NKAIN2: variants seen among roughly 807,000 people sequenced by gnomAD.
NKAIN2 encodes sodium/potassium transporting ATPase interacting 2, also known as sodium/potassium-transporting ATPase subunit beta-1-interacting protein 2.
Under a neutral mutation model 32.6 loss-of-function variants are expected in NKAIN2, and 14 were observed. That is an observed-to-expected ratio of 0.43 (90% CI 0.28 to 0.67). NKAIN2 has a LOEUF of 0.67. Among genes scored for constraint, NKAIN2 ranks in the 30% least tolerant of loss-of-function variants. NKAIN2 has a pLI of 0.17. For missense variants in NKAIN2, 198 were observed against 258.3 expected (o/e 0.77, Z 1.60); for synonymous variants, 80 against 87.2 (o/e 0.92, Z 0.46).
At chr6:124,517,500 C>G (rs1778959247) in intron 3 of NKAIN2, among the ~76,000 whole-genome samples, 1 of 152,088 alleles carries the variant, frequency 6.6e-6, no homozygotes. Context: ...CATCAATGTG[C>G]TAATCAGTTT....
chr6:123,935,377 T>C (rs1582806289), intron 1 of NKAIN2, among the ~76,000 whole-genome samples: 1 of 151,490 alleles, frequency 6.6e-6, no homozygotes, highest in East Asian at 1.9e-4. Context: ...AATTAGAAAG[T>C]AATGTGTTTC....
chr6:123,805,978 ACTC>A (rs1298446705), intron 1 of NKAIN2, among the ~76,000 whole-genome samples: 2 of 152,098 alleles, frequency 1.3e-5, no homozygotes, highest in Non-Finnish European at 2.9e-5. Flanking sequence ...ATGAATACAA[ACTC>A]CTCAAGAACT....
intron 3 of NKAIN2, among the ~76,000 whole-genome samples, chr6:124,403,013 A>G (rs1217249730): frequency 1.3e-5 from 2 of 152,192 alleles, no homozygotes; most frequent in South Asian, 2.1e-4. Context: ...TGCATTGTCT[A>G]TAAGTTATAG....
At chr6:124,210,991 G>C (rs76592576) in intron 1 of NKAIN2, among the ~76,000 whole-genome samples, 8,759 of 150,628 alleles carry the variant, frequency 0.058, 496 homozygotes, top group African/African-American at 0.13. Flanking sequence ...AATAAGTGTT[G>C]AAAGTGGGCA....
intron 1 of NKAIN2, among the ~76,000 whole-genome samples, chr6:123,890,838 C>T (rs965759960): frequency 1.3e-5 from 2 of 151,972 alleles, no homozygotes; most frequent in Non-Finnish European, 2.9e-5. Flanking sequence ...TAGATATATA[C>T]TTATAAGAAT....
At chr6:124,793,297 A>T (rs578221138) in intron 5 of NKAIN2, among the ~76,000 whole-genome samples, 3 of 152,286 alleles carry the variant, frequency 2.0e-5, no homozygotes, top group South Asian at 2.1e-4. Flanking sequence ...TGAGGTACCT[A>T]GCGCCTATAC....
intron 1 of NKAIN2, among the ~76,000 whole-genome samples, chr6:124,034,172 T>C (rs1197785858): frequency 2.0e-5 from 3 of 152,066 alleles, no homozygotes; most frequent in African/African-American, 7.2e-5. Context: ...TGCGCAGGTT[T>C]GTTACAAGGG....
chr6:124,553,729 A>G (rs1780375174), intron 3 of NKAIN2, among the ~76,000 whole-genome samples: 1 of 152,218 alleles, frequency 6.6e-6, no homozygotes, highest in South Asian at 2.1e-4. Context: ...AAAATGTCAT[A>G]CAGCAGCGTT....
intron 1 of NKAIN2, among the ~76,000 whole-genome samples, chr6:123,944,774 A>G (rs1776989897): frequency 6.6e-6 from 1 of 152,050 alleles, no homozygotes; most frequent in African/African-American, 2.4e-5. Flanking sequence ...TTTATTCAGT[A>G]GCAACTTCCA....
Position 124,172,636 on chromosome 6 carries a change from TA to T in NKAIN2, c.55-110363del, listed in dbSNP as rs1191244874. Among the ~76,000 whole-genome samples the T allele has an allele frequency of 2.6e-5, 4 of 152,246 alleles. No individual in the cohort carries two copies. The South Asian group carries it at 8.3e-4, about 32-fold the overall frequency. On this transcript the variant is annotated intron_variant, in intron 1 of 6. Coordinates refer to ENST00000368417, the MANE Select transcript of NKAIN2 (RefSeq NM_001040214.3). ...AAGTATATATTCTTGTGGAAGGAAG[TA>T]AAAAAGTTCCAAAGCCTGTTAGAAT...
intron 3 of NKAIN2, among the ~76,000 whole-genome samples, chr6:124,576,865 A>G (rs575578704): frequency 2.0e-5 from 3 of 152,182 alleles, no homozygotes; most frequent in Non-Finnish European, 4.4e-5. Flanking sequence ...CCAAAGCTAT[A>G]AAACTGCTAG....
intron 1 of NKAIN2, among the ~76,000 whole-genome samples, chr6:123,838,475 A>G (rs979931849): frequency 6.6e-6 from 1 of 152,196 alleles, no homozygotes; most frequent in African/African-American, 2.4e-5. Flanking sequence ...TTATTCTGCT[A>G]CTGTCTGAAG....
intron 2 of NKAIN2, among the ~76,000 whole-genome samples, chr6:124,337,696 C>T (rs956790919): frequency 6.6e-6 from 1 of 152,176 alleles, no homozygotes; most frequent in African/African-American, 2.4e-5. Context: ...ATAGAATATA[C>T]AGACTCCTGG....
chr6:124,112,921 T>C (rs930066531), intron 1 of NKAIN2, among the ~76,000 whole-genome samples: 3 of 151,450 alleles, frequency 2.0e-5, no homozygotes, highest in Non-Finnish European at 4.4e-5. Flanking sequence ...TACTTTGTAA[T>C]ATTTTCTCTT....
intron 1 of NKAIN2, among the ~76,000 whole-genome samples, chr6:123,818,262 A>G (rs6941970): frequency 0.011 from 1,664 of 152,132 alleles, 34 homozygotes; most frequent in African/African-American, 0.038. Context: ...TTTTTAATTC[A>G]ATAAAATATG....
intron 5 of NKAIN2, among the ~76,000 whole-genome samples, chr6:124,800,837 G>C (rs1263755951): frequency 1.3e-5 from 2 of 152,110 alleles, no homozygotes. Flanking sequence ...ATTTGCATTT[G>C]CTTGTTTGTT....
At chr6:123,910,081 A>G (rs577065930) in intron 1 of NKAIN2, among the ~76,000 whole-genome samples, 40 of 152,308 alleles carry the variant, frequency 2.6e-4, no homozygotes, top group Non-Finnish European at 4.7e-4. Context: ...CTTAATAAAA[A>G]ATATGTCTTA....
At chr6:124,522,432 C>T (rs1338444497) in intron 3 of NKAIN2, among the ~76,000 whole-genome samples, 2 of 152,198 alleles carry the variant, frequency 1.3e-5, no homozygotes, top group East Asian at 1.9e-4. Flanking sequence ...CATTCCTTCA[C>T]GAGTAGATGT....
At chr6:124,309,504 T>G (rs1796634631) in intron 2 of NKAIN2, among the ~76,000 whole-genome samples, 1 of 152,140 alleles carries the variant, frequency 6.6e-6, no homozygotes, top group African/African-American at 2.4e-5. Flanking sequence ...AGATAAAACC[T>G]ACTAATTTTT....
Sources: gnomAD v4.1 joint callset for allele counts (sites outside exome capture counted in the v4.1 genomes callset) on GRCh38, gnomAD v4.1.1 for gene constraint, MANE v1.5 for transcripts, NCBI Gene and HGNC (gene_info 2026-07-23, HGNC 2026-07-21) for gene names.